FSBP: variants seen among roughly 807,000 people sequenced by gnomAD.
The protein encoded by FSBP is fibrinogen silencer binding protein.
Under a neutral mutation model 24.6 loss-of-function variants are expected in FSBP, and 18 were observed. That is an observed-to-expected ratio of 0.73 (90% CI 0.51 to 1.08). The LOEUF (loss-of-function observed/expected upper bound fraction) is 1.08, where lower values mean the gene tolerates loss of function less well. Among genes scored for constraint, FSBP ranks in the 50% least tolerant of loss-of-function variants. The pLI is 0.00. For missense variants in FSBP, 305 were observed against 347.6 expected, an observed-to-expected ratio of 0.88 and a Z score of 0.98; for synonymous variants, 110 against 125.8, an observed-to-expected ratio of 0.87 and a Z score of 0.84.
chr8:94,436,475 C>A lies in FSBP; in HGVS notation c.374+20G>T. The A allele has an allele frequency of 6.6e-7, 1 of 1,513,698 alleles. No homozygotes were observed. The highest frequency in any genetic ancestry group is 8.8e-7 in the Non-Finnish European group (1 of 1,133,870). The allele number at this position is 1,513,698 out of a possible 1,614,324, so 93.8% of individuals were successfully genotyped here. A position where few individuals can be genotyped will look rare whatever the true frequency, so the allele number is the denominator to read the frequency against. On this transcript the variant is annotated intron_variant, in intron 1 of 1. Transcript: ENST00000481490. ...TAGGAGGCGCCATAATTTTCCATAA[C>A]AAAACAAAATAAAGCTTACCTTTGT...
rs1812020138 is a variant in FSBP at position 94,429,162 on chromosome 8, T to C, written c.*2969A>G. ...GTGTTTAAAAATATGTAAAAATAGG[T>C]TTCTTATTGTATACAGCCCCTAAAT... On this transcript the variant is annotated 3_prime_UTR_variant, in exon 2 of 2. Transcript: ENST00000481490. 2.1e-6 allele frequency: 2 copies of C among 953,516 alleles called. No individual in the cohort carries two copies. Among genetic ancestry groups the C allele is most frequent in the Admixed American group, 6.2e-5 (1 of 16,200 alleles). 59.1% of individuals were successfully genotyped at this position (953,516 alleles called of 1,614,324 possible).
rs1387071059 is a variant in FSBP, at chr8:94,431,808, T to C, written c.*323A>G. On this transcript the variant is annotated 3_prime_UTR_variant, in exon 2 of 2. Coordinates refer to ENST00000481490, the MANE Select transcript of FSBP (RefSeq NM_001256141.2). The stretch of plus-strand genomic sequence containing the variant: ...CTTTCAAAGTTCTAACTAAAAATGT[T>C]GAAGACTCAGAACTTTGAAAGAATA... 4.0e-6 allele frequency: 4 copies of C among 1,012,084 alleles called. No individual in the cohort carries two copies. Among genetic ancestry groups the C allele is most frequent in the Non-Finnish European group, 3.6e-6 (3 of 844,976 alleles). The allele number at this position is 1,012,084 out of a possible 1,614,324, so 62.7% of individuals were successfully genotyped here.
At position 94,428,991 on chromosome 8, in the gene FSBP, A is replaced by C. The variant is rs1312280510; in HGVS notation, c.*3140T>G. 1 of 982,754 alleles carries C rather than the reference A, an allele frequency of 1.0e-6. No individual in the cohort carries two copies. The highest frequency in any genetic ancestry group is 1.1e-4 in the East Asian group (1 of 8,818). The allele number at this position is 982,754 out of a possible 1,614,324, so 60.9% of individuals were successfully genotyped here. ...AATTCTCATAAACTATACTATGTTA[A>C]TCATGGTTATACAAGGGGAGGTAGA... On this transcript the variant is annotated 3_prime_UTR_variant, in exon 2 of 2. Transcript: ENST00000481490.
At chr8:94,434,978 A>G (rs1812216900) in intron 1 of FSBP, among the ~76,000 whole-genome samples, 1 of 151,720 alleles carries the variant, frequency 6.6e-6, no homozygotes, top group South Asian at 2.1e-4. Flanking sequence ...TTTTTCTTCT[A>G]CTCACTGTTA....
chr8:94,429,731 A>T lies in FSBP; in HGVS notation c.*2400T>A. On this transcript the variant is annotated 3_prime_UTR_variant, in exon 2 of 2. Coordinates refer to ENST00000481490, the MANE Select transcript of FSBP (RefSeq NM_001256141.2). ...GTAACATTGTCAAAAGGATATATCAAGTTATATATTCAGGACATCTTTATA... is the reference window on the plus strand; with the variant it reads ...GTAACATTGTCAAAAGGATATATCATGTTATATATTCAGGACATCTTTATA... The T allele has an allele frequency of 1.0e-6, 1 of 983,424 alleles. No individual in the cohort carries two copies. The highest frequency in any genetic ancestry group is 1.2e-6 in the Non-Finnish European group (1 of 828,082). 60.9% of individuals were successfully genotyped at this position (983,424 alleles called of 1,614,324 possible).
rs749225634 is a variant in FSBP at position 94,432,360 on chromosome 8, T to G, written c.671A>C (p.His224Pro). The G allele has an allele frequency of 1.9e-6, 3 of 1,550,248 alleles. No individual in the cohort carries two copies. Among genetic ancestry groups the G allele is most frequent in the South Asian group, 2.4e-5 (2 of 84,056 alleles). The change falls in exon 2 of 2, where the codon CAC becomes CCC. Residue 224 changes from histidine (H) to proline (P), a missense_variant. His to Pro is a moderately conservative substitution (Grantham distance 77). Coordinates refer to ENST00000481490, the MANE Select transcript of FSBP (RefSeq NM_001256141.2). ...DDFFRHESGE[H>P]FRSLLGYDPQ... ...ATCATACCCTAATAGTGACCTAAAG[T>G]GTTCACCACTCTCATGCCGAAAAAA...
At chr8:94,433,508 G>A (rs1373856396) in intron 1 of FSBP, among the ~76,000 whole-genome samples, 2 of 151,962 alleles carry the variant, frequency 1.3e-5, no homozygotes, top group Non-Finnish European at 1.5e-5. Flanking sequence ...TATATTAAAG[G>A]TTTATTAAAT....
rs1369767884 is a variant in FSBP, at chr8:94,427,901, G to A, written c.*4230C>T. On this transcript the variant is annotated 3_prime_UTR_variant, in exon 2 of 2. Coordinates refer to ENST00000481490, the MANE Select transcript of FSBP (RefSeq NM_001256141.2). ...TCATAGTTTAAACATTTTCACATAAGTAAAGATAGAACAGGGTAGAATGAC... is the reference window on the plus strand; with the variant it reads ...TCATAGTTTAAACATTTTCACATAAATAAAGATAGAACAGGGTAGAATGAC... The A allele has an allele frequency of 4.4e-5, 41 of 936,484 alleles. No homozygotes were observed. The highest frequency in any genetic ancestry group is 5.1e-5 in the Non-Finnish European group (40 of 786,832). 58.0% of individuals were successfully genotyped at this position (936,484 alleles called of 1,614,324 possible). A position where few individuals can be genotyped will look rare whatever the true frequency, so the allele number is the denominator to read the frequency against.
At chr8:94,433,440 C>T (rs1434879111) in intron 1 of FSBP, among the ~76,000 whole-genome samples, 1 of 151,426 alleles carries the variant, frequency 6.6e-6, no homozygotes. Flanking sequence ...TGTTGAATGA[C>T]TGAAAAAAAA....
At chr8:94,436,406 TTACTATG>T in intron 1 of FSBP, 82 bp downstream of exon 1, 1 of 1,398,290 alleles carries the variant, frequency 7.2e-7, no homozygotes, top group East Asian at 2.5e-5. Context: ...GTGGGGATGC[TTACTATG>T]CATATCTCTA....
At position 94,429,573 on chromosome 8, in the gene FSBP, A is replaced by C; in HGVS notation, c.*2558T>G. 5.1e-6 allele frequency: 5 copies of C among 982,848 alleles called. No individual in the cohort carries two copies. Among genetic ancestry groups the C allele is most frequent in the Non-Finnish European group, 6.0e-6 (5 of 827,580 alleles). 60.9% of individuals were successfully genotyped at this position (982,848 alleles called of 1,614,324 possible). A position where few individuals can be genotyped will look rare whatever the true frequency, so the allele number is the denominator to read the frequency against. On this transcript the variant is annotated 3_prime_UTR_variant, in exon 2 of 2. Coordinates refer to ENST00000481490, the MANE Select transcript of FSBP (RefSeq NM_001256141.2). Reference sequence around the variant, plus strand: ...TACATCTCATATATGTGCTTTCAATAATTTCAAAAAATAAAGCTTACTACT... The same window carrying C: ...TACATCTCATATATGTGCTTTCAATCATTTCAAAAAATAAAGCTTACTACT...
chr8:94,429,884 A>C lies in FSBP; in HGVS notation c.*2247T>G. The stretch of plus-strand genomic sequence containing the variant: ...TTCTATTTCTATAGCCATAACTTAA[A>C]TTTCTGATTTAAGTTCTTCCAATAC... On this transcript the variant is annotated 3_prime_UTR_variant, in exon 2 of 2. Coordinates refer to ENST00000481490, the MANE Select transcript of FSBP (RefSeq NM_001256141.2). The C allele has an allele frequency of 2.0e-6, 2 of 985,368 alleles. No individual in the cohort carries two copies. The highest frequency in any genetic ancestry group is 2.4e-6 in the Non-Finnish European group (2 of 829,920). The allele number at this position is 985,368 out of a possible 1,614,324, so 61.0% of individuals were successfully genotyped here. A position where few individuals can be genotyped will look rare whatever the true frequency, so the allele number is the denominator to read the frequency against.
Position 94,431,991 on chromosome 8 carries a change from GA to G in FSBP, c.*139del. 7.7e-7 allele frequency: 1 copy of G among 1,294,718 alleles called. No homozygotes were observed. Among genetic ancestry groups the G allele is most frequent in the Non-Finnish European group, 9.8e-7 (1 of 1,018,132 alleles). The allele number at this position is 1,294,718 out of a possible 1,614,324, so 80.2% of individuals were successfully genotyped here. A position where few individuals can be genotyped will look rare whatever the true frequency, so the allele number is the denominator to read the frequency against. ...TTAATATCTCAAAAGAAAATAATTAGAAAATTATATCTAAAAAGTTTTTCCA... is the reference window on the plus strand; with the variant it reads ...TTAATATCTCAAAAGAAAATAATTAGAAATTATATCTAAAAAGTTTTTCCA... On this transcript the variant is annotated 3_prime_UTR_variant, in exon 2 of 2. Transcript: ENST00000481490.
At chr8:94,436,379 T>C in intron 1 of FSBP, 116 bp downstream of exon 1, 1 of 1,284,392 alleles carries the variant, frequency 7.8e-7, no homozygotes, top group Non-Finnish European at 1.0e-6. Flanking sequence ...ACAAAGACAC[T>C]ATTCATTGCT....
intron 1 of FSBP, among the ~76,000 whole-genome samples, chr8:94,434,339 T>C (rs3019278): frequency 0.25 from 37,880 of 151,118 alleles, 5,668 homozygotes; most frequent in East Asian, 0.43. Flanking sequence ...CATAACAATA[T>C]AAAAAGGGAG....
Position 94,431,466 on chromosome 8 carries a change from T to A in FSBP, c.*665A>T. On this transcript the variant is annotated 3_prime_UTR_variant, in exon 2 of 2. Transcript: ENST00000481490. ...GCTTCTAATATTTAAATCTAGAGAA[T>A]GTTTTAGTGGATATTTACTTCTATC... is the stretch of plus-strand genomic sequence containing the variant. 1.0e-6 allele frequency: 1 copy of A among 982,278 alleles called. No homozygotes were observed. Among genetic ancestry groups the A allele is most frequent in the Non-Finnish European group, 1.2e-6 (1 of 827,070 alleles). The allele number at this position is 982,278 out of a possible 1,614,324, so 60.8% of individuals were successfully genotyped here. A position where few individuals can be genotyped will look rare whatever the true frequency, so the allele number is the denominator to read the frequency against.
chr8:94,430,518 AG>A lies in FSBP; in HGVS notation c.*1612del, dbSNP rs1484612982. ...CAGAATCGCTAAAGGGTTTATTAAA[AG>A]AGATTGCTGACACCCCCAGGGTTTC... On this transcript the variant is annotated 3_prime_UTR_variant, in exon 2 of 2. Transcript: ENST00000481490. The A allele has an allele frequency of 3.4e-6, 3 of 894,580 alleles. No homozygotes were observed. In the East Asian group the frequency reaches 3.6e-4, roughly 107 times the overall value. The allele number at this position is 894,580 out of a possible 1,614,324, so 55.4% of individuals were successfully genotyped here.
Position 94,430,912 on chromosome 8 carries a change from C to G in FSBP, c.*1219G>C. The G allele has an allele frequency of 1.0e-6, 1 of 985,366 alleles. No individual in the cohort carries two copies. The highest frequency in any genetic ancestry group is 1.2e-6 in the Non-Finnish European group (1 of 829,902). The allele number at this position is 985,366 out of a possible 1,614,324, so 61.0% of individuals were successfully genotyped here. ...CTCTACATTCACTTAAAATCAATGG[C>G]TTAGCACTGCATTTGTGCTTATATA... On this transcript the variant is annotated 3_prime_UTR_variant, in exon 2 of 2. Transcript: ENST00000481490.
In FSBP at chr8:94,436,612, T is replaced by G; in HGVS notation, c.257A>C (p.Gln86Pro). 1.3e-6 allele frequency: 2 copies of G among 1,550,578 alleles called. No homozygotes were observed. Among genetic ancestry groups the G allele is most frequent in the East Asian group, 4.9e-5 (2 of 40,916 alleles). ...KEYAKQELLQ[Q>P]KETQSDFKSN... ...TTTAAAATCTGATTGGGTCTCTTTT[T>G]GCTGCAATAGCTCCTGTTTGGCATA... The change falls in exon 1 of 2, where the codon CAA (glutamine) becomes CCA (proline). Residue 86 changes from glutamine (Q) to proline (P), a missense_variant. By Grantham distance (76) the Gln-to-Pro change is moderately conservative. Transcript: ENST00000481490.
Sources: allele counts gnomAD v4.1 joint callset (sites outside exome capture counted in the v4.1 genomes callset), GRCh38; gene constraint gnomAD v4.1.1; transcripts MANE v1.5; gene names NCBI Gene and HGNC (gene_info 2026-07-23, HGNC 2026-07-21).